The following ATF6B variants were observed in gnomAD, a reference collection of about 807,000 sequenced individuals.
ATF6B encodes the protein activating transcription factor 6 beta.
In ATF6B, 50 loss-of-function variants were observed where a neutral mutation model predicts 83.5. That is an observed-to-expected ratio of 0.60 (90% CI 0.48 to 0.76). The LOEUF (loss-of-function observed/expected upper bound fraction) is 0.76, where lower values mean the gene tolerates loss of function less well. Among genes scored for constraint, ATF6B ranks in the 30% least tolerant of loss-of-function variants. The probability of loss-of-function intolerance (pLI) is 0.00; values close to 1 mark genes in which losing one functional copy is unlikely to be tolerated. For missense variants in ATF6B, 790 were observed against 893.8 expected (o/e 0.88, Z 1.48); for synonymous variants, 344 against 362.8 (o/e 0.95, Z 0.59).
Position 32,121,226 on chromosome 6 carries a change from T to C in ATF6B, c.564+37A>G. Reference sequence around the variant, plus strand: ...TACCTCTAGGTCAGGAGGAACTCACTGGAAAACCTGGAGGAAGGAAGGAAG... The same window carrying C: ...TACCTCTAGGTCAGGAGGAACTCACCGGAAAACCTGGAGGAAGGAAGGAAG... On this transcript the variant is annotated intron_variant, in intron 6 of 17. Transcript: ENST00000375203. 6.2e-7 allele frequency: 1 copy of C among 1,611,730 alleles called. No individual in the cohort carries two copies. The highest frequency in any genetic ancestry group is 8.5e-7 in the Non-Finnish European group (1 of 1,178,550).
In ATF6B at chr6:32,127,768, C is replaced by G. The variant is rs1000856174; in HGVS notation, c.92-18G>C. 1 of 1,613,476 alleles carries G rather than the reference C, an allele frequency of 6.2e-7. No individual in the cohort carries two copies. The highest frequency in any genetic ancestry group is 8.5e-7 in the Non-Finnish European group (1 of 1,179,630). On this transcript the variant is annotated intron_variant, in intron 1 of 17. Transcript: ENST00000375203. ...GGTGCTGTCTGCAAGAAATGCTGAGCGTCGGGGGGTCGTTCGGTGGCCCCA... is the reference window on the plus strand; with the variant it reads ...GGTGCTGTCTGCAAGAAATGCTGAGGGTCGGGGGGTCGTTCGGTGGCCCCA...
In ATF6B at chr6:32,119,833, A is replaced by G; in HGVS notation, c.957T>C (p.Pro319=). ...PAPMPGNSCP[P]EVDAKLLKRQ... ...CCTCCCCAACACTTACATCCACTTC[A>G]GGCGGGCAGGAGTTTCCAGGCATAG... Residue 319 remains proline, a synonymous_variant, in exon 9 of 18, where the codon CCT becomes CCC. Coordinates refer to ENST00000375203, the MANE Select transcript of ATF6B (RefSeq NM_004381.5). The surrounding 1 kb of genome is among the most constrained non-coding windows in gnomAD (Gnocchi z 4.9). 1 of 1,613,916 alleles carries G rather than the reference A, an allele frequency of 6.2e-7. No individual in the cohort carries two copies. Among genetic ancestry groups the G allele is most frequent in the Non-Finnish European group, 8.5e-7 (1 of 1,179,930 alleles).
chr6:32,127,835 G>C lies in ATF6B; in HGVS notation c.92-85C>G, dbSNP rs1317066832. On this transcript the variant is annotated intron_variant, in intron 1 of 17. Coordinates refer to ENST00000375203, the MANE Select transcript of ATF6B (RefSeq NM_004381.5). ...CAAGCCCCCGCCCCATCCCTCATTG[G>C]CTCCGCTCGGCCAGACCCACCGCCC... is the stretch of plus-strand genomic sequence containing the variant. The C allele has an allele frequency of 2.8e-6, 4 of 1,447,044 alleles. No individual in the cohort carries two copies. In the African/African-American group the frequency reaches 5.6e-5, roughly 20 times the overall value. 89.6% of individuals were successfully genotyped at this position (1,447,044 alleles called of 1,614,324 possible).
At chr6:32,124,801 A>G (rs952819769) in intron 5 of ATF6B, among the ~76,000 whole-genome samples, 24 of 151,802 alleles carry the variant, frequency 1.6e-4, no homozygotes, top group Non-Finnish European at 2.6e-4. Flanking sequence ...TTCAGCGCCA[A>G]TGTGGATGAA....
At chr6:32,121,524 G>T (rs1781767625) in intron 5 of ATF6B, among the ~76,000 whole-genome samples, 176 bp from the exon 6 acceptor site, 2 of 152,098 alleles carry the variant, frequency 1.3e-5, no homozygotes, top group Non-Finnish European at 2.9e-5. Flanking sequence ...CCAACATGGA[G>T]AAACCCCGTC....
chr6:32,115,839 G>A lies in ATF6B; in HGVS notation c.2012C>T (p.Ser671Phe). Reference sequence around the variant, plus strand: ...ACCTGTGGCATTGCCTGGGGTTGGGGATGGCTGTTTTCGGAGCGAGGGGGG... The same window carrying A: ...ACCTGTGGCATTGCCTGGGGTTGGGAATGGCTGTTTTCGGAGCGAGGGGGG... ...TVPPSLRKQP[S>F]PTPGNATGGP... The change falls in exon 18 of 18, where the codon TCC becomes TTC. Residue 671 changes from serine (S) to phenylalanine (F), a missense_variant. Ser to Phe is a radical substitution (Grantham distance 155). Coordinates refer to ENST00000375203, the MANE Select transcript of ATF6B (RefSeq NM_004381.5). 7 of 1,614,174 alleles carry A rather than the reference G, an allele frequency of 4.3e-6. No homozygotes were observed. The highest frequency in any genetic ancestry group is 5.9e-6 in the Non-Finnish European group (7 of 1,180,028).
rs765761810 is a variant in ATF6B at position 32,117,730 on chromosome 6, C to T, written c.1425-36G>A. On this transcript the variant is annotated intron_variant, in intron 12 of 17. Coordinates refer to ENST00000375203, the MANE Select transcript of ATF6B (RefSeq NM_004381.5). This position sits in a 1 kb window ranked among gnomAD's most constrained non-coding sequence, Gnocchi z 5.0. The stretch of plus-strand genomic sequence containing the variant: ...GCAGGAAGGAGACAACACTTGGAGA[C>T]TGCCCAGCACTCCCACAACAAAGAA... The T allele has an allele frequency of 1.2e-6, 2 of 1,602,292 alleles. No individual in the cohort carries two copies. The highest frequency in any genetic ancestry group is 3.4e-5 in the Admixed American group (2 of 58,378).
chr6:32,123,511 C>G (rs1480714136), intron 5 of ATF6B, among the ~76,000 whole-genome samples: 1 of 152,104 alleles, frequency 6.6e-6, no homozygotes, highest in Non-Finnish European at 1.5e-5. Flanking sequence ...GCCTCAGCCT[C>G]CCGAGTAGCT....
chr6:32,124,637 C>A (rs1781893020), intron 5 of ATF6B, among the ~76,000 whole-genome samples: 2 of 152,174 alleles, frequency 1.3e-5, no homozygotes. Context: ...GTAGCCCCTG[C>A]AGTTCCACAT....
rs1781669865 is a variant in ATF6B, at chr6:32,119,541, G to C, written c.966+283C>G. On this transcript the variant is annotated intron_variant, in intron 9 of 17. Coordinates refer to ENST00000375203, the MANE Select transcript of ATF6B (RefSeq NM_004381.5). This position sits in a 1 kb window ranked among gnomAD's most constrained non-coding sequence, Gnocchi z 4.9. ...CTCCCCAACTATGGCCATGACCGTA[G>C]TCGTATAGTACAGTACGACTTCCTT... Among the ~76,000 whole-genome samples the C allele has an allele frequency of 6.6e-6, 1 of 152,124 alleles. No individual in the cohort carries two copies. The highest frequency in any genetic ancestry group is 2.4e-5 in the African/African-American group (1 of 41,412).
chr6:32,117,770 G>A lies in ATF6B; in HGVS notation c.1425-76C>T. On this transcript the variant is annotated intron_variant, in intron 12 of 17. Transcript: ENST00000375203. This position sits in a 1 kb window ranked among gnomAD's most constrained non-coding sequence, Gnocchi z 5.0. ...ACAACAAAGAAGGCGATGACGGCAA[G>A]AGAAAGCTTTGGGTCCCCCTCACTG... The A allele has an allele frequency of 6.3e-7, 1 of 1,581,538 alleles. No homozygotes were observed.
rs764322157 is a variant in ATF6B, at chr6:32,117,373, G to A, written c.1564C>T (p.Arg522Cys). The change falls in exon 14 of 18, where the codon CGC becomes TGC. Residue 522 changes from arginine (R) to cysteine (C), a missense_variant. Arg to Cys is a radical substitution (Grantham distance 180). This residue lies in a region of ATF6B where 530 missense variants were observed against 632.6 expected (regional missense o/e 0.84). Coordinates refer to ENST00000375203, the MANE Select transcript of ATF6B (RefSeq NM_004381.5). The surrounding 1 kb of genome is among the most constrained non-coding windows in gnomAD (Gnocchi z 5.0). ...LADELSGWVQ[R>C]HQRGRRKIPQ... ...ATCTTCCTCCGGCCTCTCTGGTGGC[G>A]CTGGACCCAGCCACTCAACTCGTCA... 9.3e-6 allele frequency: 15 copies of A among 1,613,908 alleles called. No individual in the cohort carries two copies. Among genetic ancestry groups the A allele is most frequent in the Non-Finnish European group, 1.2e-5 (14 of 1,179,996 alleles).
In ATF6B at chr6:32,128,129, A is replaced by C. The variant is rs761126046; in HGVS notation, c.79T>G (p.Trp27Gly). The change falls in exon 1 of 18, where the codon TGG (tryptophan) becomes GGG (glycine). Residue 27 changes from tryptophan to glycine, a missense_variant. Physicochemically the swap from Trp to Gly is radical, Grantham distance 184 (BLOSUM62 -2). This residue lies in a region of ATF6B where 253 missense variants were observed against 243.1 expected (regional missense o/e 1.04). Transcript: ENST00000375203. ...CCCGGTGCCTCACTCTGCAGACCCC[A>C]GTCCTCCGGGCTAAGCAGGTTGTCG... ...FTDNLLSPED[W>G]GLQNSTLYSG... 1 of 1,613,052 alleles carries C rather than the reference A, an allele frequency of 6.2e-7. No homozygotes were observed. The highest frequency in any genetic ancestry group is 1.1e-5 in the South Asian group (1 of 91,060).
chr6:32,120,662 G>A (rs774091864), intron 8 of ATF6B, 109 bp downstream of exon 8: 3 of 1,352,494 alleles, frequency 2.2e-6, no homozygotes, highest in East Asian at 2.6e-5. Context: ...CGTTGGCCAG[G>A]CTGGTCTTAA....
chr6:32,116,224 G>A lies in ATF6B; in HGVS notation c.1882+256C>T, dbSNP rs969043826. Reference sequence around the variant, plus strand: ...AGGACATCAAGAGAAAAAAGTAAGTGAGAGTCTAGCAGGTTCCCGGCCCCC... The same window carrying A: ...AGGACATCAAGAGAAAAAAGTAAGTAAGAGTCTAGCAGGTTCCCGGCCCCC... On this transcript the variant is annotated intron_variant, in intron 17 of 17. Coordinates refer to ENST00000375203, the MANE Select transcript of ATF6B (RefSeq NM_004381.5). This position sits in a 1 kb window ranked among gnomAD's most constrained non-coding sequence, Gnocchi z 5.1. 1.2e-4 allele frequency among the ~76,000 whole-genome samples: 18 copies of A among 152,294 alleles called. No individual in the cohort carries two copies. The highest frequency in any genetic ancestry group is 5.9e-4 in the Admixed American group (9 of 15,302).
Position 32,117,764 on chromosome 6 carries a change from C to T in ATF6B, c.1425-70G>A, listed in dbSNP as rs769978213. On this transcript the variant is annotated intron_variant, in intron 12 of 17. Transcript: ENST00000375203. This position sits in a 1 kb window ranked among gnomAD's most constrained non-coding sequence, Gnocchi z 5.0. Reference sequence around the variant, plus strand: ...ACTCCCACAACAAAGAAGGCGATGACGGCAAGAGAAAGCTTTGGGTCCCCC... The same window carrying T: ...ACTCCCACAACAAAGAAGGCGATGATGGCAAGAGAAAGCTTTGGGTCCCCC... The T allele has an allele frequency of 3.5e-5, 55 of 1,583,708 alleles. No homozygotes were observed. Among genetic ancestry groups the T allele is most frequent in the African/African-American group, 1.6e-4 (12 of 74,142 alleles).
rs373580985 is a variant in ATF6B, at chr6:32,127,238, G to C, written c.251-44C>G. ...GAAATTATCAGGAAGCAGAGCTTAAGAAGAGTCCAAAAAGTACCCAAGGAC... is the reference window on the plus strand; with the variant it reads ...GAAATTATCAGGAAGCAGAGCTTAACAAGAGTCCAAAAAGTACCCAAGGAC... On this transcript the variant is annotated intron_variant, in intron 3 of 17. Coordinates refer to ENST00000375203, the MANE Select transcript of ATF6B (RefSeq NM_004381.5). 894 of 1,546,324 alleles carry C rather than the reference G, an allele frequency of 5.8e-4. 18 individuals are homozygous for C. In the South Asian group the frequency reaches 9.3e-3, roughly 16 times the overall value.
intron 4 of ATF6B, among the ~76,000 whole-genome samples, chr6:32,126,733 G>A (rs1374823789): frequency 6.6e-6 from 1 of 152,066 alleles, no homozygotes; most frequent in African/African-American, 2.4e-5. Context: ...GGTGGCATGT[G>A]TCTGTGGTCC....
chr6:32,126,208 C>G lies in ATF6B; in HGVS notation c.387G>C (p.Leu129Phe). 6.2e-7 allele frequency: 1 copy of G among 1,614,126 alleles called. No individual in the cohort carries two copies. The highest frequency in any genetic ancestry group is 8.5e-7 in the Non-Finnish European group (1 of 1,180,016). The change falls in exon 5 of 18, where the codon TTG becomes TTC. Residue 129 changes from leucine to phenylalanine, a missense_variant. Coordinates refer to ENST00000375203, the MANE Select transcript of ATF6B (RefSeq NM_004381.5). ...CTCCCAGGAGACACAGTGGGGGTGC[C>G]AAGGACTCTGTCTTCACATGGAGCA... is the stretch of plus-strand genomic sequence containing the variant. ...GEVLHVKTES[L>F]APPLCLLGDD...
Sources: gnomAD v4.1 joint callset for allele counts (sites outside exome capture counted in the v4.1 genomes callset) on GRCh38, gnomAD v4.1.1 for gene constraint, gnomAD v4.1.1 regional missense constraint, Gnocchi (gnomAD v3.1) non-coding constraint, MANE v1.5 for transcripts, NCBI Gene and HGNC (gene_info 2026-07-23, HGNC 2026-07-21) for gene names.